Variants in BCL11B observed in about 807,000 individuals in gnomAD.
BCL11B encodes the protein BCL11 transcription factor B.
BCL11B carries 8 observed loss-of-function variants against 49.9 expected under a neutral mutation model. The observed-to-expected ratio is 0.16, with a 90% CI of 0.09 to 0.29. The LOEUF (loss-of-function observed/expected upper bound fraction) is 0.29, where lower values mean the gene tolerates loss of function less well. BCL11B is among the 10% of genes least tolerant of loss of function. The pLI is 1.00. For synonymous variants in BCL11B, 739 were observed against 637.4 expected (o/e 1.16, Z -2.40); for missense variants, 1,006 against 1,351.0 (o/e 0.74, Z 4.00).
chr14:99,175,577 G>A lies in BCL11B; in HGVS notation c.1259C>T (p.Pro420Leu), dbSNP rs770601161. Residue 420 changes from proline to leucine, a missense_variant, in exon 4 of 4, where the codon CCG becomes CTG. Transcript: ENST00000357195. ...CGACTTGCTCTTGGCTGGCGGCTGCGGGGGCGGCGTGCCGCCAGGGGGCAT... is the reference window on the plus strand; with the variant it reads ...CGACTTGCTCTTGGCTGGCGGCTGCAGGGGCGGCGTGCCGCCAGGGGGCAT... ...PPMPPGGTPP[P>L]QPPAKSKSCE... 4 of 1,584,868 alleles carry A rather than the reference G, an allele frequency of 2.5e-6. No homozygotes were observed. Among genetic ancestry groups the A allele is most frequent in the East Asian group, 2.3e-5 (1 of 43,720 alleles).
intron 2 of BCL11B, among the ~76,000 whole-genome samples, chr14:99,252,628 G>A (rs565460977): frequency 6.6e-6 from 1 of 152,324 alleles, no homozygotes; most frequent in Admixed American, 6.5e-5. Flanking sequence ...CAAGTGGGCA[G>A]GGACATCGCA....
At chr14:99,185,489 G>A (rs899815879) in intron 3 of BCL11B, among the ~76,000 whole-genome samples, 2 of 151,280 alleles carry the variant, frequency 1.3e-5, no homozygotes, top group African/African-American at 2.4e-5. Flanking sequence ...GTTCAAGCCA[G>A]ACACAGAGAA....
chr14:99,253,075 C>T (rs1013269648), intron 2 of BCL11B, among the ~76,000 whole-genome samples: 3 of 152,236 alleles, frequency 2.0e-5, no homozygotes, highest in African/African-American at 7.2e-5. Flanking sequence ...TGGGTGCTTC[C>T]TCATTTCATC....
chr14:99,174,682 C>G lies in BCL11B; in HGVS notation c.2154G>C (p.Ser718=). The stretch of plus-strand genomic sequence containing the variant: ...GGAAGGGGTCCTTCATGAAGTGCCG[C>G]GACGCCGCGTAGCCCACCAGCCACT... ...YSQWLVGYAA[S]RHFMKDPFLG... is the part of the protein sequence containing the mutation. Residue 718 remains serine, a synonymous_variant, in exon 4 of 4, where the codon TCG becomes TCC. Coordinates refer to ENST00000357195, the MANE Select transcript of BCL11B (RefSeq NM_138576.4). The G allele has an allele frequency of 1.3e-6, 2 of 1,576,658 alleles. No individual in the cohort carries two copies. Among genetic ancestry groups the G allele is most frequent in the East Asian group, 2.4e-5 (1 of 41,040 alleles).
At position 99,210,309 on chromosome 14, in the gene BCL11B, G is replaced by C. The variant is rs797006769; in HGVS notation, c.640+21036C>G. Among the ~76,000 whole-genome samples the C allele has an allele frequency of 3.3e-5, 5 of 152,286 alleles. 1 individual carries two copies. Among genetic ancestry groups the C allele is most frequent in the African/African-American group, 1.2e-4 (5 of 41,556 alleles). On this transcript the variant is annotated intron_variant, in intron 3 of 3. Coordinates refer to ENST00000357195, the MANE Select transcript of BCL11B (RefSeq NM_138576.4). Reference sequence around the variant, plus strand: ...GATAGAATAAGCACTGCAGAAAATAGAAAGGTTGGGAGAGCAGGTCCAAAA... The same window carrying C: ...GATAGAATAAGCACTGCAGAAAATACAAAGGTTGGGAGAGCAGGTCCAAAA...
rs987131748 is a variant in BCL11B, at chr14:99,262,146, C to A, written c.59-4307G>T. Among the ~76,000 whole-genome samples, 1 of 152,220 alleles carries A rather than the reference C, an allele frequency of 6.6e-6. No individual in the cohort carries two copies. Among genetic ancestry groups the A allele is most frequent in the Non-Finnish European group, 1.5e-5 (1 of 68,038 alleles). On this transcript the variant is annotated intron_variant, in intron 1 of 3. Transcript: ENST00000357195. This position sits in a 1 kb window ranked among gnomAD's most constrained non-coding sequence, Gnocchi z 4.2. ...GGCCCAGCCAAGCAGCCAACAAGCC[C>A]CCAGCAGCTGCAAGCTTTCAGCAGG...
At chr14:99,212,984 A>G (rs1887730394) in intron 3 of BCL11B, among the ~76,000 whole-genome samples, 1 of 152,080 alleles carries the variant, frequency 6.6e-6, no homozygotes, top group South Asian at 2.1e-4. Flanking sequence ...TTCTGGGAGG[A>G]TAAAATAACA....
chr14:99,243,839 T>C (rs1888740395), intron 2 of BCL11B, among the ~76,000 whole-genome samples: 1 of 145,406 alleles, frequency 6.9e-6, no homozygotes, highest in African/African-American at 2.6e-5. Flanking sequence ...TCCCTTTGGC[T>C]ACCAATTGCA....
intron 3 of BCL11B, among the ~76,000 whole-genome samples, chr14:99,179,051 G>T (rs1347144927): frequency 6.6e-6 from 1 of 152,218 alleles, no homozygotes; most frequent in Non-Finnish European, 1.5e-5. Flanking sequence ...ACGCAGGCCA[G>T]CAGTGAAGGC....
chr14:99,269,546 C>T (rs1259946895), intron 1 of BCL11B, among the ~76,000 whole-genome samples: 1 of 147,102 alleles, frequency 6.8e-6, no homozygotes, highest in Non-Finnish European at 1.5e-5. Context: ...CATAATAAAT[C>T]CACAAATTCT....
At chr14:99,267,167 C>T (rs1471416871) in intron 1 of BCL11B, among the ~76,000 whole-genome samples, 1 of 152,108 alleles carries the variant, frequency 6.6e-6, no homozygotes, top group Non-Finnish European at 1.5e-5. Flanking sequence ...CAACTGCATT[C>T]ACCCCAGCAC....
At chr14:99,217,631 A>G (rs1887891656) in intron 3 of BCL11B, among the ~76,000 whole-genome samples, 1 of 152,172 alleles carries the variant, frequency 6.6e-6, no homozygotes, top group South Asian at 2.1e-4. Context: ...CTCTGAGCTG[A>G]GCCAGCTGCT....
At chr14:99,235,289 A>AT (rs34727768) in intron 2 of BCL11B, among the ~76,000 whole-genome samples, 3 of 152,096 alleles carry the variant, frequency 2.0e-5, no homozygotes, top group African/African-American at 7.2e-5. Context: ...CAATTGATAC[A>AT]TTTTTTTAAG....
Position 99,271,336 on chromosome 14 carries a change from GCA to G in BCL11B, c.-120_-119del. ...CGCTGCCGCCGCCGCCGCCGCCGCC[GCA>G]CCTCCTCCTCTGCCCGGGTTGGTGT... On this transcript the variant is annotated 5_prime_UTR_variant, in exon 1 of 4. Coordinates refer to ENST00000357195, the MANE Select transcript of BCL11B (RefSeq NM_138576.4). 2.1e-5 allele frequency: 14 copies of G among 671,206 alleles called. No individual in the cohort carries two copies. The highest frequency in any genetic ancestry group is 2.1e-4 in the South Asian group (3 of 14,584). 41.6% of individuals were successfully genotyped at this position (671,206 alleles called of 1,614,324 possible).
chr14:99,220,223 C>T (rs1326617478), intron 3 of BCL11B, among the ~76,000 whole-genome samples: 2 of 152,148 alleles, frequency 1.3e-5, no homozygotes, highest in Admixed American at 6.5e-5. Context: ...TACCCTTTGA[C>T]GCAGAAACTC....
At chr14:99,250,829 C>T (rs999944863) in intron 2 of BCL11B, among the ~76,000 whole-genome samples, 1 of 150,458 alleles carries the variant, frequency 6.6e-6, no homozygotes, top group Admixed American at 6.6e-5. Context: ...TATGGAACTA[C>T]GTACATAAAA....
At chr14:99,183,150 G>T (rs533034843) in intron 3 of BCL11B, among the ~76,000 whole-genome samples, 1 of 152,182 alleles carries the variant, frequency 6.6e-6, no homozygotes, top group South Asian at 2.1e-4. Context: ...GGAGAGAGAA[G>T]AATTCAAGGG....
intron 3 of BCL11B, among the ~76,000 whole-genome samples, chr14:99,182,982 ACT>A (rs1886751625): frequency 2.6e-5 from 4 of 152,190 alleles, no homozygotes; most frequent in African/African-American, 9.7e-5. Flanking sequence ...TCATTAATTC[ACT>A]GAACAAACAG....
At chr14:99,186,181 A>G (rs879888035) in intron 3 of BCL11B, among the ~76,000 whole-genome samples, 1 of 152,232 alleles carries the variant, frequency 6.6e-6, no homozygotes, top group Admixed American at 6.5e-5. Context: ...TCGGGGGACC[A>G]GGAAAGATTC....
Sources: allele counts gnomAD v4.1 joint callset (sites outside exome capture counted in the v4.1 genomes callset), GRCh38; gene constraint gnomAD v4.1.1; non-coding constraint Gnocchi (gnomAD v3.1); transcripts MANE v1.5; gene names NCBI Gene and HGNC (gene_info 2026-07-23, HGNC 2026-07-21).